The following AADACL4 variants were observed in gnomAD, a reference collection of about 807,000 sequenced individuals.
The protein encoded by AADACL4 is arylacetamide deacetylase like 4.
A neutral mutation model predicts 14.1 loss-of-function variants in AADACL4; 9 were observed. The observed-to-expected ratio is 0.64, with a 90% confidence interval of 0.39 to 1.12. The LOEUF (loss-of-function observed/expected upper bound fraction) is 1.12. Among genes scored for constraint, AADACL4 ranks in the 50% most tolerant of loss-of-function variants. The probability of loss-of-function intolerance (pLI) is 0.01; values close to 1 mark genes in which losing one functional copy is unlikely to be tolerated. For synonymous variants in AADACL4, 188 were observed against 201.6 expected (o/e 0.93, Z 0.57); for missense variants, 531 against 516.1 (o/e 1.03, Z -0.28).
chr1:12,651,358 G>T lies in AADACL4; in HGVS notation c.385+19G>T, dbSNP rs1647144803. On this transcript the variant is annotated intron_variant, in intron 2 of 3. Coordinates refer to ENST00000376221, the MANE Select transcript of AADACL4 (RefSeq NM_001013630.2). ...AGCCTGGGTAAGGGGCTTCCCTGTGGCTTTGTAGAGGAAGGGCCTCATCTG... is the reference window on the plus strand; with the variant it reads ...AGCCTGGGTAAGGGGCTTCCCTGTGTCTTTGTAGAGGAAGGGCCTCATCTG... 6.2e-7 allele frequency: 1 copy of T among 1,612,554 alleles called. No homozygotes were observed.
At chr1:12,654,653 G>A (rs1195814796) in intron 2 of AADACL4, among the ~76,000 whole-genome samples, 1 of 152,138 alleles carries the variant, frequency 6.6e-6, no homozygotes, top group African/African-American at 2.4e-5. Flanking sequence ...AGTTATAATA[G>A]CCACAAACCT....
rs778661821 is a variant in AADACL4 at position 12,666,772 on chromosome 1, A to G, written c.*37A>G. ...GGGCCCCGAGGAGGAAGGGGCAAGT[A>G]TGGACTCTACCAGAAACCGGGTGCT... On this transcript the variant is annotated 3_prime_UTR_variant, in exon 4 of 4. Coordinates refer to ENST00000376221, the MANE Select transcript of AADACL4 (RefSeq NM_001013630.2). 2.6e-6 allele frequency: 4 copies of G among 1,542,416 alleles called. No homozygotes were observed. Among genetic ancestry groups the G allele is most frequent in the Admixed American group, 2.0e-5 (1 of 50,864 alleles).
chr1:12,645,914 TGC>T (rs1647108576), intron 1 of AADACL4, among the ~76,000 whole-genome samples: 1 of 152,170 alleles, frequency 6.6e-6, no homozygotes, highest in Non-Finnish European at 1.5e-5. Flanking sequence ...ATCTGGTAGG[TGC>T]TTACTTTTGT....
Position 12,647,473 on chromosome 1 carries a change from G to A in AADACL4, c.168+2759G>A, listed in dbSNP as rs575226713. On this transcript the variant is annotated intron_variant, in intron 1 of 3. Transcript: ENST00000376221. ...TGAAAATGCACAGCACCAGTGCTGG[G>A]TGCTTAGAAAGTCTCGATAAAAGTC... Among the ~76,000 whole-genome samples, 12 of 152,238 alleles carry A rather than the reference G, an allele frequency of 7.9e-5. No homozygotes were observed. In the South Asian group the frequency reaches 2.5e-3, roughly 32 times the overall value.
intron 2 of AADACL4, among the ~76,000 whole-genome samples, chr1:12,654,681 G>A (rs1372673338): frequency 6.6e-6 from 1 of 152,142 alleles, no homozygotes; most frequent in Non-Finnish European, 1.5e-5. Flanking sequence ...AGGCCTGAAG[G>A]TTTTTGCAAA....
chr1:12,655,286 T>G (rs1230979477), intron 2 of AADACL4, among the ~76,000 whole-genome samples: 1 of 151,934 alleles, frequency 6.6e-6, no homozygotes, highest in Non-Finnish European at 1.5e-5. Flanking sequence ...TAGGAGAGAG[T>G]AACTGGCCCC....
chr1:12,651,044 C>A, intron 1 of AADACL4, 79 bp from the exon 2 acceptor site: 16 of 1,392,190 alleles, frequency 1.1e-5, no homozygotes, highest in Non-Finnish European at 1.4e-5. Flanking sequence ...AACATCCTAA[C>A]AATTCTAAGT....
chr1:12,651,297 A>G lies in AADACL4; in HGVS notation c.343A>G (p.Ile115Val), dbSNP rs1369535750. The G allele has an allele frequency of 2.5e-6, 4 of 1,614,090 alleles. No homozygotes were observed. The Admixed American group carries it at 6.7e-5, about 27-fold the overall frequency. Residue 115 changes from isoleucine (I) to valine (V), a missense_variant, in exon 2 of 4, where the codon ATC becomes GTC. Coordinates refer to ENST00000376221, the MANE Select transcript of AADACL4 (RefSeq NM_001013630.2). ...AGCATCCTCCAGACCCCGGCGAGGC[A>G]TCATCTTCTACCATGGAGGGGCCAC... ...KAASSRPRRG[I>V]IFYHGGATVF...
Position 12,650,852 on chromosome 1 carries a change from A to T in AADACL4, c.169-271A>T, listed in dbSNP as rs191473780. Reference sequence around the variant, plus strand: ...GGCCAACAATTGGCTTTTCTAAGTCAGTGGCTTCTTCCCAGTCAGCCCCAA... The same window carrying T: ...GGCCAACAATTGGCTTTTCTAAGTCTGTGGCTTCTTCCCAGTCAGCCCCAA... On this transcript the variant is annotated intron_variant, in intron 1 of 3. Transcript: ENST00000376221. 1.8e-4 allele frequency among the ~76,000 whole-genome samples: 27 copies of T among 152,290 alleles called. 1 individual carries two copies. The highest frequency in any genetic ancestry group is 1.5e-3 in the Admixed American group (23 of 15,300).
rs567483032 is a variant in AADACL4, at chr1:12,650,001, C to A, written c.169-1122C>A. 1.1e-3 allele frequency among the ~76,000 whole-genome samples: 170 copies of A among 152,302 alleles called. 3 individuals carry two copies. Among genetic ancestry groups the A allele is most frequent in the East Asian group, 2.3e-3 (12 of 5,184 alleles). On this transcript the variant is annotated intron_variant, in intron 1 of 3. Coordinates refer to ENST00000376221, the MANE Select transcript of AADACL4 (RefSeq NM_001013630.2). ...TAACTTCCTGATTTATAAAATGGAG[C>A]TGGTAATTATGCCTGACTTAGAAAG...
Position 12,646,211 on chromosome 1 carries a change from A to G in AADACL4, c.168+1497A>G, listed in dbSNP as rs115131032. Among the ~76,000 whole-genome samples the G allele has an allele frequency of 2.9e-3, 437 of 152,336 alleles. 5 individuals are homozygous for G. Among genetic ancestry groups the G allele is most frequent in the African/African-American group, 0.01 (419 of 41,578 alleles). The stretch of plus-strand genomic sequence containing the variant: ...TAACTGACAGCAGGGCTTAGGAATA[A>G]GGAACAGAGACAGCAGCCGGACTGC... On this transcript the variant is annotated intron_variant, in intron 1 of 3. Coordinates refer to ENST00000376221, the MANE Select transcript of AADACL4 (RefSeq NM_001013630.2).
intron 2 of AADACL4, among the ~76,000 whole-genome samples, chr1:12,655,724 G>A (rs568477315): frequency 5.9e-5 from 9 of 152,076 alleles, no homozygotes; most frequent in East Asian, 1.9e-4. Flanking sequence ...TTGCCATGCC[G>A]GGTCTTTTCA....
chr1:12,658,081 CTT>C (rs1647193959), intron 2 of AADACL4, among the ~76,000 whole-genome samples: 2 of 140,150 alleles, frequency 1.4e-5, no homozygotes, highest in Admixed American at 7.1e-5. Flanking sequence ...TTCTTTCTTT[CTT>C]TCTTTCTCTT....
intron 3 of AADACL4, among the ~76,000 whole-genome samples, chr1:12,662,613 A>G (rs542003523): frequency 6.6e-6 from 1 of 152,316 alleles, no homozygotes; most frequent in East Asian, 1.9e-4. Flanking sequence ...TTCTTGGCTC[A>G]AGAGATCTCA....
chr1:12,652,989 G>C (rs1647158781), intron 2 of AADACL4, among the ~76,000 whole-genome samples: 1 of 152,184 alleles, frequency 6.6e-6, no homozygotes, highest in Non-Finnish European at 1.5e-5. Context: ...CGACCACCCT[G>C]TGTAATTCCT....
At position 12,644,649 on chromosome 1, in the gene AADACL4, G is replaced by A; in HGVS notation, c.103G>A (p.Ala35Thr). 6.2e-7 allele frequency: 1 copy of A among 1,614,120 alleles called. No individual in the cohort carries two copies. Among genetic ancestry groups the A allele is most frequent in the Non-Finnish European group, 8.5e-7 (1 of 1,180,002 alleles). The change falls in exon 1 of 4, where the codon GCT (alanine) becomes ACT (threonine). Residue 35 changes from alanine to threonine, a missense_variant. Ala to Thr is a moderately conservative substitution (Grantham distance 58, BLOSUM62 0). Coordinates refer to ENST00000376221, the MANE Select transcript of AADACL4 (RefSeq NM_001013630.2). ...FEHFLTTDIPATLQHPAKLRF... is the reference protein window; with the variant it reads ...FEHFLTTDIPTTLQHPAKLRF... ...GCACTTCCTCACCACGGATATCCCT[G>A]CTACCTTGCAGCATCCTGCCAAGTT...
At chr1:12,660,824 A>G (rs934233102) in intron 2 of AADACL4, among the ~76,000 whole-genome samples, 1 of 152,020 alleles carries the variant, frequency 6.6e-6, no homozygotes, top group East Asian at 1.9e-4. Flanking sequence ...TTGTATTTTT[A>G]GTAGAGACGG....
Position 12,666,378 on chromosome 1 carries a change from C to A in AADACL4, c.867C>A (p.Asn289Lys). 1 of 1,614,122 alleles carries A rather than the reference C, an allele frequency of 6.2e-7. No homozygotes were observed. The highest frequency in any genetic ancestry group is 8.5e-7 in the Non-Finnish European group (1 of 1,180,032). The change falls in exon 4 of 4, where the codon AAC (asparagine) becomes AAA (lysine). Residue 289 changes from asparagine to lysine, a missense_variant. By Grantham distance (94) the Asn-to-Lys change is moderately conservative. Transcript: ENST00000376221. ...RKYEKWLSPD[N>K]IPKKFKNRGY... ...ACGAGAAGTGGCTCAGCCCTGACAA[C>A]ATCCCCAAGAAATTTAAGAACAGAG...
intron 3 of AADACL4, 80 bp downstream of exon 3, chr1:12,661,934 A>C: frequency 6.8e-7 from 1 of 1,473,212 alleles, no homozygotes; most frequent in South Asian, 1.1e-5. Flanking sequence ...TGTAGATCAG[A>C]GAGGCCCTAA....
Sources: gnomAD v4.1 joint callset for allele counts (sites outside exome capture counted in the v4.1 genomes callset) on GRCh38, gnomAD v4.1.1 for gene constraint, MANE v1.5 for transcripts, NCBI Gene and HGNC (gene_info 2026-07-23, HGNC 2026-07-21) for gene names.